HTR2C: variants seen among roughly 807,000 people sequenced by gnomAD.
HTR2C encodes the protein 5-hydroxytryptamine receptor 2C.
A neutral mutation model predicts 21.0 loss-of-function variants in HTR2C; 5 were observed. That is an observed-to-expected ratio of 0.24 (90% confidence interval 0.12 to 0.50). The LOEUF is 0.50. Ranked by LOEUF, HTR2C falls within the 20% of genes least tolerant of loss-of-function variation. The probability of loss-of-function intolerance (pLI) is 0.98; values close to 1 mark genes in which losing one functional copy is unlikely to be tolerated. For missense variants in HTR2C, 271 were observed against 371.2 expected (o/e 0.73, Z 2.22); for synonymous variants, 150 against 145.3 (o/e 1.03, Z -0.23).
chrX:114,672,223 C>T (rs1360275298), intron 2 of HTR2C, among the ~76,000 whole-genome samples: 1 of 111,278 alleles, frequency 9.0e-6, no homozygotes, highest in African/African-American at 3.3e-5. Context: ...CTCATCTCTG[C>T]TAAAAAGGTA....
chrX:114,815,888 C>G (rs967021708), intron 4 of HTR2C, among the ~76,000 whole-genome samples: 8 of 111,232 alleles, frequency 7.2e-5, no homozygotes, highest in African/African-American at 2.3e-4. Flanking sequence ...TTCCTTCCAG[C>G]TTTTCAACAC....
At chrX:114,805,863 TACCATATATATAC>T (rs1569495631) in intron 4 of HTR2C, among the ~76,000 whole-genome samples, 13 of 92,185 alleles carry the variant, frequency 1.4e-4, no homozygotes, top group African/African-American at 4.8e-4. Flanking sequence ...ACCATATATA[TACCATATATATAC>T]ACCATATGTA....
At chrX:114,774,009 T>A (rs1169780194) in intron 4 of HTR2C, among the ~76,000 whole-genome samples, 2 of 111,982 alleles carry the variant, frequency 1.8e-5, no homozygotes, top group African/African-American at 6.5e-5. Context: ...GTTAAATTAT[T>A]ATAACCCGTG....
chrX:114,731,506 A>G lies in HTR2C; in HGVS notation c.248A>G (p.Lys83Arg). 1 of 1,204,544 alleles carries G rather than the reference A, an allele frequency of 8.3e-7. No homozygotes were observed. Among genetic ancestry groups the G allele is most frequent in the Non-Finnish European group, 1.1e-6 (1 of 888,955 alleles). Residue 83 changes from lysine (K) to arginine (R), a missense_variant, in exon 4 of 6, where the codon AAA becomes AGA. Physicochemically the swap from Lys to Arg is conservative, Grantham distance 26 (BLOSUM62 2). Coordinates refer to ENST00000276198, the MANE Select transcript of HTR2C (RefSeq NM_000868.4). ...LVIMAVSMEK[K>R]LHNATNYFLM... ...ATCATGGCAGTAAGCATGGAAAAGA[A>G]ACTGCACAATGCCACCAATTACTTC...
intron 2 of HTR2C, among the ~76,000 whole-genome samples, chrX:114,617,717 C>T (rs1929003266): frequency 9.0e-6 from 1 of 111,122 alleles, no homozygotes; most frequent in South Asian, 3.7e-4. Context: ...CTGCTATGTA[C>T]CCACAAAAAC....
chrX:114,639,341 G>A (rs1431644571), intron 2 of HTR2C: 1 of 113,067 alleles, frequency 8.8e-6, no homozygotes, highest in Non-Finnish European at 1.9e-5. Context: ...ATGTATGGAT[G>A]TGCTCATTAG....
chrX:114,615,363 G>GA (rs1556399874), intron 2 of HTR2C, among the ~76,000 whole-genome samples: 2 of 102,051 alleles, frequency 2.0e-5, no homozygotes, highest in Non-Finnish European at 2.0e-5. Flanking sequence ...TTCCAGAGGG[G>GA]AAAAAATAAA....
chrX:114,814,704 C>T (rs2070564973), intron 4 of HTR2C, among the ~76,000 whole-genome samples: 1 of 104,577 alleles, frequency 9.6e-6, no homozygotes, highest in South Asian at 3.9e-4. Flanking sequence ...GTTCATCTAC[C>T]AAGTTTCACA....
At chrX:114,718,366 C>T (rs1434651289) in intron 2 of HTR2C, among the ~76,000 whole-genome samples, 1 of 111,979 alleles carries the variant, frequency 8.9e-6, no homozygotes, top group African/African-American at 3.2e-5. Flanking sequence ...AGTGGAGATT[C>T]GATTTTGGTT....
At chrX:114,698,629 G>A (rs1556416265) in intron 2 of HTR2C, among the ~76,000 whole-genome samples, 2 of 111,883 alleles carry the variant, frequency 1.8e-5, no homozygotes, top group Admixed American at 1.9e-4. Context: ...ATTTTGTTTT[G>A]TTTTAACCAG....
intron 4 of HTR2C, among the ~76,000 whole-genome samples, chrX:114,762,523 T>G (rs2147380166): frequency 9.0e-6 from 1 of 111,596 alleles, no homozygotes; most frequent in South Asian, 3.7e-4. Context: ...TAACTAGAGG[T>G]CATTCTCAAA....
intron 5 of HTR2C, among the ~76,000 whole-genome samples, chrX:114,871,466 T>C (rs1383230960): frequency 9.0e-6 from 1 of 111,692 alleles, no homozygotes; most frequent in Non-Finnish European, 1.9e-5. Context: ...TTAAGTCTTA[T>C]GTTTCTGTAT....
At chrX:114,755,360 A>G (rs983870219) in intron 4 of HTR2C, among the ~76,000 whole-genome samples, 1 of 111,565 alleles carries the variant, frequency 9.0e-6, no homozygotes, top group African/African-American at 3.3e-5. Flanking sequence ...CTCCCTCCAG[A>G]GATTCTAGGA....
intron 2 of HTR2C, among the ~76,000 whole-genome samples, chrX:114,695,356 A>C (rs1932247551): frequency 8.9e-6 from 1 of 111,851 alleles, no homozygotes; most frequent in Non-Finnish European, 1.9e-5. Context: ...GAAGGTTTAA[A>C]ATATGTTTGG....
intron 5 of HTR2C, among the ~76,000 whole-genome samples, chrX:114,870,402 T>A (rs1453438765): frequency 9.0e-6 from 1 of 111,366 alleles, no homozygotes; most frequent in African/African-American, 3.3e-5. Flanking sequence ...TTTTGATGTG[T>A]CTGTCTTTTT....
chrX:114,800,590 T>C (rs934218715), intron 4 of HTR2C, among the ~76,000 whole-genome samples: 1 of 111,545 alleles, frequency 9.0e-6, no homozygotes, highest in African/African-American at 3.2e-5. Context: ...TATATATTTT[T>C]TCTTGGCTGT....
At chrX:114,666,044 G>A (rs1325586875) in intron 2 of HTR2C, among the ~76,000 whole-genome samples, 1 of 111,682 alleles carries the variant, frequency 9.0e-6, no homozygotes, top group African/African-American at 3.3e-5. Context: ...TCTCTGATAT[G>A]ATACTGCCTC....
intron 5 of HTR2C, among the ~76,000 whole-genome samples, chrX:114,859,316 CTGTG>C (rs369447787): frequency 4.7e-5 from 5 of 106,390 alleles, no homozygotes; most frequent in African/African-American, 6.8e-5. Context: ...TGGTATGTGT[CTGTG>C]TGTGTGTGTG....
At chrX:114,866,005 C>T (rs916005437) in intron 5 of HTR2C, among the ~76,000 whole-genome samples, 7 of 110,390 alleles carry the variant, frequency 6.3e-5, no homozygotes, top group African/African-American at 1.3e-4. Context: ...TTAGTAGAGA[C>T]GGGATTTCAC....
Sources: allele counts gnomAD v4.1 joint callset (sites outside exome capture counted in the v4.1 genomes callset), GRCh38; gene constraint gnomAD v4.1.1; transcripts MANE v1.5; gene names NCBI Gene and HGNC (gene_info 2026-07-23, HGNC 2026-07-21).